The following OMA1 variants were observed in gnomAD, a reference collection of about 807,000 sequenced individuals.
The protein encoded by OMA1 is metalloendopeptidase OMA1, mitochondrial.
Under a neutral mutation model 30.9 loss-of-function variants are expected in OMA1, and 38 were observed. The ratio of observed to expected loss-of-function variants is 1.23; its 90% CI spans 0.95 to 1.61. The LOEUF is 1.61. Ranked by LOEUF, OMA1 falls within the 40% of genes most tolerant of loss-of-function variation. OMA1 has a pLI of 0.00. For missense variants in OMA1, 461 were observed against 349.2 expected, an observed-to-expected ratio of 1.32 and a Z score of -2.55; for synonymous variants, 173 against 121.9, an observed-to-expected ratio of 1.42 and a Z score of -2.76.
intron 7 of OMA1, among the ~76,000 whole-genome samples, chr1:58,524,273 T>C (rs551196218): frequency 1.3e-5 from 2 of 152,206 alleles, no homozygotes; most frequent in Non-Finnish European, 2.9e-5. Context: ...CTTAACGATT[T>C]TCTTAAAGCA....
chr1:58,499,059 TG>T (rs1216712902), intron 8 of OMA1, among the ~76,000 whole-genome samples: 1 of 152,044 alleles, frequency 6.6e-6, no homozygotes, highest in Non-Finnish European at 1.5e-5. Context: ...AATATGAACA[TG>T]ATAAAATCCT....
intron 8 of OMA1, among the ~76,000 whole-genome samples, chr1:58,485,338 C>G (rs1645559825): frequency 1.4e-5 from 2 of 142,732 alleles, no homozygotes; most frequent in African/African-American, 5.2e-5. Context: ...TGTGCTCATG[C>G]TTTTTTGTAT....
chr1:58,532,513 GA>G (rs1423302504), intron 5 of OMA1, among the ~76,000 whole-genome samples: 1 of 152,022 alleles, frequency 6.6e-6, no homozygotes, highest in Non-Finnish European at 1.5e-5. Flanking sequence ...ATTTGTTTAA[GA>G]AAAAAAGATT....
intron 8 of OMA1, among the ~76,000 whole-genome samples, chr1:58,487,644 T>C (rs746547246): frequency 2.6e-5 from 4 of 152,226 alleles, no homozygotes; most frequent in Non-Finnish European, 5.9e-5. Context: ...TGGGTTCTAA[T>C]AGTTTTTTAA....
intron 8 of OMA1, among the ~76,000 whole-genome samples, chr1:58,481,697 CAT>C (rs67279112): frequency 0.15 from 23,311 of 152,106 alleles, 1,991 homozygotes; most frequent in Admixed American, 0.26. Context: ...ATAATTCCCA[CAT>C]GTCATGGGAG....
chr1:58,489,243 C>T (rs1306607282), intron 8 of OMA1, among the ~76,000 whole-genome samples: 2 of 152,196 alleles, frequency 1.3e-5, no homozygotes, highest in African/African-American at 4.8e-5. Flanking sequence ...CACTCCCACC[C>T]TAATACTGCA....
In OMA1 at chr1:58,506,201, T is replaced by G. The variant is rs751101807; in HGVS notation, c.1224A>C (p.Ala408=). ...IGLLLAAKAC[A]DIRASSVFWQ... ...AAAACACTGAACTGGCTCTTATGTC[T>G]GCACAAGCCTAAAACCAAAATTAGT... Residue 408 remains alanine, a synonymous_variant, in exon 8 of 9, where the codon GCA becomes GCC. Coordinates refer to ENST00000371226, the MANE Select transcript of OMA1 (RefSeq NM_145243.5). 1.2e-6 allele frequency: 1 copy of G among 868,026 alleles called. No homozygotes were observed. Among genetic ancestry groups the G allele is most frequent in the Non-Finnish European group, 2.0e-6 (1 of 498,430 alleles). The allele number at this position is 868,026 out of a possible 1,614,324, so 53.8% of individuals were successfully genotyped here.
At chr1:58,530,777 G>GTA (rs1288789773) in intron 5 of OMA1, 48 bp from the exon 6 acceptor site, 1 of 839,034 alleles carries the variant, frequency 1.2e-6, no homozygotes, top group Non-Finnish European at 2.1e-6. Context: ...CATTGAGACA[G>GTA]TATATGCTTA....
chr1:58,486,998 G>C (rs903210713), intron 8 of OMA1, among the ~76,000 whole-genome samples: 5 of 152,230 alleles, frequency 3.3e-5, no homozygotes, highest in African/African-American at 1.2e-4. Flanking sequence ...AGTTAGATGA[G>C]AAGCCACTAG....
intron 7 of OMA1, among the ~76,000 whole-genome samples, chr1:58,513,514 T>G (rs1247270902): frequency 6.6e-6 from 1 of 152,168 alleles, no homozygotes; most frequent in African/African-American, 2.4e-5. Context: ...CTAGGTAACC[T>G]TTCCTTCTTA....
At chr1:58,538,765 A>G (rs766260183) in intron 2 of OMA1, 30 bp downstream of exon 2, 1 of 724,080 alleles carries the variant, frequency 1.4e-6, no homozygotes, top group South Asian at 2.1e-5. Flanking sequence ...AAGTTAATAT[A>G]AAAGTTTTTA....
intron 7 of OMA1, among the ~76,000 whole-genome samples, chr1:58,515,048 T>C (rs1646138629): frequency 6.6e-6 from 1 of 152,214 alleles, no homozygotes; most frequent in Non-Finnish European, 1.5e-5. Flanking sequence ...ATCATTGTCA[T>C]CATCTACCAG....
chr1:58,518,354 G>GAAGAGAAGAGAAGAGAAGA lies in OMA1; in HGVS notation c.1215+8906_1215+8907insTCTTCTCTTCTCTTCTCTT, dbSNP rs1428140129. On this transcript the variant is annotated intron_variant, in intron 7 of 8. Transcript: ENST00000371226. ...AGAAGAGAAGAGAAGAGAAGAGAAG[G>GAAGAGAAGAGAAGAGAAGA]GAAGGGAAGAGAAGAGAAGGGAAGA... Among the ~76,000 whole-genome samples, 14 of 32,490 alleles carry GAAGAGAAGAGAAGAGAAGA rather than the reference G, an allele frequency of 4.3e-4. 1 individual carries two copies. The highest frequency in any genetic ancestry group is 7.1e-4 in the Non-Finnish European group (9 of 12,740). The allele number at this position is 32,490 out of a possible 152,430, so 21.3% of individuals were successfully genotyped here.
chr1:58,518,625 T>C (rs577900568), intron 7 of OMA1, among the ~76,000 whole-genome samples: 1 of 151,636 alleles, frequency 6.6e-6, no homozygotes, highest in East Asian at 2.0e-4. Context: ...AGAACGAATA[T>C]CTTTATCTAT....
chr1:58,520,068 G>A (rs996822903), intron 7 of OMA1, among the ~76,000 whole-genome samples: 4 of 152,102 alleles, frequency 2.6e-5, no homozygotes, highest in Non-Finnish European at 4.4e-5. Flanking sequence ...ACACAAAGAT[G>A]GGAACAACAG....
chr1:58,526,985 T>C (rs968044924), intron 7 of OMA1, among the ~76,000 whole-genome samples: 4 of 152,152 alleles, frequency 2.6e-5, no homozygotes, highest in African/African-American at 9.6e-5. Context: ...AATCAAGAAC[T>C]GACTTTCTTT....
At chr1:58,493,101 G>A (rs1227969419) in intron 8 of OMA1, among the ~76,000 whole-genome samples, 1 of 152,232 alleles carries the variant, frequency 6.6e-6, no homozygotes, top group East Asian at 1.9e-4. Context: ...GGGATGCAAG[G>A]CTGGTTCAAC....
At chr1:58,488,188 C>A (rs766461183) in intron 8 of OMA1, among the ~76,000 whole-genome samples, 18 of 152,048 alleles carry the variant, frequency 1.2e-4, no homozygotes, top group Non-Finnish European at 2.6e-4. Flanking sequence ...AAGCCATCCT[C>A]TTATTGTTTA....
At chr1:58,508,348 G>A (rs1435952248) in intron 7 of OMA1, among the ~76,000 whole-genome samples, 1 of 152,138 alleles carries the variant, frequency 6.6e-6, no homozygotes, top group Non-Finnish European at 1.5e-5. Context: ...CAAGATGGAA[G>A]AATAGGACGC....
Sources: gnomAD v4.1 joint callset for allele counts (sites outside exome capture counted in the v4.1 genomes callset) on GRCh38, gnomAD v4.1.1 for gene constraint, MANE v1.5 for transcripts, NCBI Gene and HGNC (gene_info 2026-07-23, HGNC 2026-07-21) for gene names.